Variants in ZCCHC24 observed in about 807,000 individuals in gnomAD.
ZCCHC24 encodes the protein zinc finger CCHC domain-containing protein 24.
Under a neutral mutation model 26.2 loss-of-function variants are expected in ZCCHC24, and 10 were observed. The ratio of observed to expected loss-of-function variants is 0.38; its 90% CI spans 0.24 to 0.65. The LOEUF (loss-of-function observed/expected upper bound fraction) is 0.65, where lower values mean the gene tolerates loss of function less well. Ranked by LOEUF, ZCCHC24 falls within the 30% of genes least tolerant of loss-of-function variation. ZCCHC24 has a pLI of 0.54. For missense variants in ZCCHC24, 243 were observed against 329.1 expected, an observed-to-expected ratio of 0.74 and a Z score of 2.03; for synonymous variants, 144 against 147.1, an observed-to-expected ratio of 0.98 and a Z score of 0.15.
intron 2 of ZCCHC24, among the ~76,000 whole-genome samples, chr10:79,429,661 G>A (rs942333614): frequency 1.3e-5 from 2 of 152,198 alleles, no homozygotes; most frequent in African/African-American, 4.8e-5. Context: ...TGATTGAGGT[G>A]ACAGCTGCAC....
intron 2 of ZCCHC24, among the ~76,000 whole-genome samples, chr10:79,414,160 G>A (rs1242878412): frequency 6.6e-6 from 1 of 152,242 alleles, no homozygotes; most frequent in Non-Finnish European, 1.5e-5. Flanking sequence ...CAAAGTCTGG[G>A]CCCAAGCCTT....
At chr10:79,403,202 T>A (rs1434050750) in intron 2 of ZCCHC24, among the ~76,000 whole-genome samples, 1 of 152,160 alleles carries the variant, frequency 6.6e-6, no homozygotes, top group African/African-American at 2.4e-5. Context: ...CAGACAGACC[T>A]CCCAAGTGAC....
intron 2 of ZCCHC24, among the ~76,000 whole-genome samples, chr10:79,425,940 A>G (rs1382690891): frequency 3.3e-5 from 5 of 152,170 alleles, no homozygotes; most frequent in African/African-American, 4.8e-5. Context: ...TGGCTAGACC[A>G]TGACTAGACC....
chr10:79,424,186 A>G (rs1481571735), intron 2 of ZCCHC24, among the ~76,000 whole-genome samples: 9 of 152,200 alleles, frequency 5.9e-5, no homozygotes. Context: ...ATAGTTCCCT[A>G]GTTCCCACTG....
In ZCCHC24 at chr10:79,412,427, G is replaced by A. The variant is rs1056404752; in HGVS notation, c.448-17987C>T. 9.2e-5 allele frequency among the ~76,000 whole-genome samples: 14 copies of A among 152,228 alleles called. 1 individual carries two copies. The highest frequency in any genetic ancestry group is 2.4e-4 in the African/African-American group (10 of 41,468). ...CACCCTCGCCCCTTGGCAGCCCCGC[G>A]TACGTACATGGTGTGGGTGGCTGTG... On this transcript the variant is annotated intron_variant, in intron 2 of 3. Coordinates refer to ENST00000372336, the MANE Select transcript of ZCCHC24 (RefSeq NM_153367.4).
chr10:79,399,768 G>A (rs145715668), intron 2 of ZCCHC24, among the ~76,000 whole-genome samples: 1 of 152,354 alleles, frequency 6.6e-6, no homozygotes, highest in Non-Finnish European at 1.5e-5. Flanking sequence ...GGGGAAGTGG[G>A]AGGGGCCCCC....
Position 79,436,531 on chromosome 10 carries a change from C to T in ZCCHC24, c.247-3773G>A, listed in dbSNP as rs150893108. 1.8e-3 allele frequency among the ~76,000 whole-genome samples: 271 copies of T among 152,336 alleles called. 1 individual carries two copies. The highest frequency in any genetic ancestry group is 3.5e-3 in the African/African-American group (144 of 41,572). On this transcript the variant is annotated intron_variant, in intron 1 of 3. Transcript: ENST00000372336. Reference sequence around the variant, plus strand: ...GGGCGCAGGGATCATGGCGCAGCCCCGCCTGAGTGACCAATGGAGCTCTGA... The same window carrying T: ...GGGCGCAGGGATCATGGCGCAGCCCTGCCTGAGTGACCAATGGAGCTCTGA...
intron 3 of ZCCHC24, among the ~76,000 whole-genome samples, chr10:79,392,719 C>T (rs1043344824): frequency 6.6e-6 from 1 of 152,234 alleles, no homozygotes; most frequent in Non-Finnish European, 1.5e-5. Flanking sequence ...CCACACCAGC[C>T]TCCCCTAACA....
At chr10:79,406,974 C>T (rs538814278) in intron 2 of ZCCHC24, among the ~76,000 whole-genome samples, 1 of 152,372 alleles carries the variant, frequency 6.6e-6, no homozygotes, top group Admixed American at 6.5e-5. Context: ...CACACCCTGC[C>T]TCCCAACCAA....
chr10:79,392,045 C>T (rs1405341883), intron 3 of ZCCHC24, among the ~76,000 whole-genome samples: 1 of 151,994 alleles, frequency 6.6e-6, no homozygotes, highest in African/African-American at 2.4e-5. Flanking sequence ...GCCCACCCGG[C>T]CTCCCTCTCC....
At chr10:79,440,642 G>T (rs982782835) in intron 1 of ZCCHC24, among the ~76,000 whole-genome samples, 2 of 152,162 alleles carry the variant, frequency 1.3e-5, no homozygotes, top group African/African-American at 4.8e-5. Context: ...TAGGTGACTT[G>T]CCAGGCCTCT....
intron 3 of ZCCHC24, among the ~76,000 whole-genome samples, chr10:79,388,219 AGCCCG>A (rs1421904489): frequency 1.3e-5 from 2 of 152,084 alleles, no homozygotes; most frequent in Non-Finnish European, 2.9e-5. Context: ...GAATACAAAC[AGCCCG>A]GCATGCAGAA....
intron 2 of ZCCHC24, among the ~76,000 whole-genome samples, chr10:79,429,726 TG>T (rs35151375): frequency 1.2e-4 from 19 of 152,236 alleles, no homozygotes; most frequent in Non-Finnish European, 1.9e-4. Context: ...GGGAATTATA[TG>T]GGAAGTGAAT....
intron 2 of ZCCHC24, among the ~76,000 whole-genome samples, chr10:79,407,117 G>T (rs1856727310): frequency 6.6e-6 from 1 of 152,204 alleles, no homozygotes; most frequent in Non-Finnish European, 1.5e-5. Context: ...CCTGCTGAAG[G>T]CAAGCTGGAC....
At chr10:79,435,251 A>G (rs1857200577) in intron 1 of ZCCHC24, among the ~76,000 whole-genome samples, 1 of 151,396 alleles carries the variant, frequency 6.6e-6, no homozygotes, top group African/African-American at 2.4e-5. Flanking sequence ...ATAAGATTTA[A>G]GCAAGTCCAC....
intron 1 of ZCCHC24, among the ~76,000 whole-genome samples, chr10:79,442,022 C>T (rs749124819): frequency 3.9e-5 from 6 of 152,226 alleles, no homozygotes; most frequent in Non-Finnish European, 5.9e-5. Flanking sequence ...CCAAACAAGA[C>T]TTGGCAGGGA....
In ZCCHC24 at chr10:79,431,405, G is replaced by C. The variant is rs115136987; in HGVS notation, c.447+1153C>G. 7.2e-3 allele frequency among the ~76,000 whole-genome samples: 1,095 copies of C among 152,316 alleles called. 9 individuals are homozygous for C. Among genetic ancestry groups the C allele is most frequent in the African/African-American group, 0.025 (1,049 of 41,550 alleles). ...CTGGAGATGTGGGGTCTGCAGGAAA[G>C]TCGTCAGTGGGTCAGCTCCCACTAT... On this transcript the variant is annotated intron_variant, in intron 2 of 3. Transcript: ENST00000372336.
At chr10:79,408,126 A>T (rs1856743275) in intron 2 of ZCCHC24, among the ~76,000 whole-genome samples, 2 of 152,180 alleles carry the variant, frequency 1.3e-5, no homozygotes. Flanking sequence ...CAACACACAC[A>T]GCTCCCAGTG....
chr10:79,429,817 T>A (rs549841793), intron 2 of ZCCHC24, among the ~76,000 whole-genome samples: 1 of 152,184 alleles, frequency 6.6e-6, no homozygotes, highest in Non-Finnish European at 1.5e-5. Context: ...CACTATTTCA[T>A]TTGTGACACA....
Sources: gnomAD v4.1 joint callset for allele counts (sites outside exome capture counted in the v4.1 genomes callset) on GRCh38, gnomAD v4.1.1 for gene constraint, MANE v1.5 for transcripts, NCBI Gene and HGNC (gene_info 2026-07-23, HGNC 2026-07-21) for gene names.